TRDN: variants seen among roughly 807,000 people sequenced by gnomAD.
The protein encoded by TRDN is triadin.
A neutral mutation model predicts 149.7 loss-of-function variants in TRDN; 161 were observed. That is an observed-to-expected ratio of 1.08 (90% CI 0.95 to 1.23). TRDN has a LOEUF of 1.23. Among genes scored for constraint, TRDN ranks in the 50% most tolerant of loss-of-function variants. The pLI is 0.00. For synonymous variants in TRDN, 294 were observed against 250.5 expected (o/e 1.17, Z -1.64); for missense variants, 896 against 823.5 (o/e 1.09, Z -1.08).
At position 123,259,665 on chromosome 6, in the gene TRDN, A is replaced by AG; in HGVS notation, c.1832-4dup. On this transcript the variant is annotated splice_polypyrimidine_tract_variant and splice_region_variant and intron_variant, in intron 34 of 40. Transcript: ENST00000334268. ...AGATATTTCAGTTTTCTTCTTTCCT[A>AG]GGGGAAAGAAAAACAACAAGAAACC... 6.8e-7 allele frequency: 1 copy of AG among 1,460,986 alleles called. No individual in the cohort carries two copies. The allele number at this position is 1,460,986 out of a possible 1,614,324, so 90.5% of individuals were successfully genotyped here. A position where few individuals can be genotyped will look rare whatever the true frequency, so the allele number is the denominator to read the frequency against.
At chr6:123,319,370 A>T (rs1779157022) in intron 23 of TRDN, among the ~76,000 whole-genome samples, 1 of 151,978 alleles carries the variant, frequency 6.6e-6, no homozygotes, top group South Asian at 2.1e-4. Flanking sequence ...CATTTTGTAG[A>T]TGATATTTCT....
At chr6:123,482,512 C>T (rs1392007867) in intron 9 of TRDN, among the ~76,000 whole-genome samples, 1 of 152,202 alleles carries the variant, frequency 6.6e-6, no homozygotes, top group African/African-American at 2.4e-5. Context: ...GTACACACTG[C>T]TTATCCAGTG....
intron 2 of TRDN, among the ~76,000 whole-genome samples, chr6:123,559,762 G>T (rs959736542): frequency 6.6e-5 from 10 of 152,140 alleles, no homozygotes; most frequent in African/African-American, 2.4e-4. Flanking sequence ...GTTAGTTCAG[G>T]ATCTGCGCCT....
At chr6:123,291,045 T>C (rs1303773318) in intron 24 of TRDN, among the ~76,000 whole-genome samples, 1 of 151,840 alleles carries the variant, frequency 6.6e-6, no homozygotes, top group African/African-American at 2.4e-5. Context: ...TAATTCCAGC[T>C]ACTTGGGGGA....
Position 123,354,190 on chromosome 6 carries a change from TAGA to T in TRDN, c.1322-1607_1322-1605del, listed in dbSNP as rs140721901. Among the ~76,000 whole-genome samples the T allele has an allele frequency of 5.6e-3, 854 of 151,954 alleles. 24 individuals carry two copies. In the East Asian group the frequency reaches 0.059, roughly 11 times the overall value. On this transcript the variant is annotated intron_variant, in intron 20 of 40. Transcript: ENST00000334268. ...GGTTATTCTAAGGGATTATGTGTCCTAGAAGAAGAAGCAATGAATGTTTTAGAG... is the reference window on the plus strand; with the variant it reads ...GGTTATTCTAAGGGATTATGTGTCCTAGAAGAAGCAATGAATGTTTTAGAG...
intron 14 of TRDN, among the ~76,000 whole-genome samples, chr6:123,385,901 C>T (rs547913501): frequency 6.6e-6 from 1 of 152,102 alleles, no homozygotes; most frequent in South Asian, 2.1e-4. Context: ...TTATAACTTC[C>T]CAAACCTAAA....
intron 23 of TRDN, among the ~76,000 whole-genome samples, chr6:123,323,636 C>T (rs564918625): frequency 3.9e-4 from 59 of 152,276 alleles, no homozygotes; most frequent in African/African-American, 1.3e-3. Context: ...GAGTTTGATG[C>T]TTACAGAAAA....
At chr6:123,463,887 G>A (rs1029041546) in intron 10 of TRDN, among the ~76,000 whole-genome samples, 2 of 151,496 alleles carry the variant, frequency 1.3e-5, no homozygotes, top group African/African-American at 4.9e-5. Flanking sequence ...TCATCACTTA[G>A]GCTCAAGGGA....
At chr6:123,525,547 A>C (rs754680453) in intron 5 of TRDN, among the ~76,000 whole-genome samples, 228 of 151,986 alleles carry the variant, frequency 1.5e-3, no homozygotes, top group Non-Finnish European at 1.2e-3. Context: ...AAAAATGGGG[A>C]GATTGGAATG....
intron 10 of TRDN, among the ~76,000 whole-genome samples, chr6:123,458,643 G>A (rs747885109): frequency 2.6e-5 from 4 of 152,138 alleles, no homozygotes; most frequent in Non-Finnish European, 5.9e-5. Flanking sequence ...AGAGATAGAT[G>A]TCTCCTACTG....
intron 1 of TRDN, among the ~76,000 whole-genome samples, chr6:123,610,822 A>C (rs1784770485): frequency 6.6e-6 from 1 of 152,190 alleles, no homozygotes; most frequent in Non-Finnish European, 1.5e-5. Context: ...AACTGCATTA[A>C]GTTTATTTGA....
chr6:123,343,286 T>G (rs1780131221), intron 21 of TRDN, among the ~76,000 whole-genome samples: 1 of 152,000 alleles, frequency 6.6e-6, no homozygotes, highest in African/African-American at 2.4e-5. Context: ...GATTATCCAT[T>G]CATTTAAGAT....
intron 10 of TRDN, among the ~76,000 whole-genome samples, chr6:123,440,774 A>G (rs913678466): frequency 2.0e-5 from 3 of 152,210 alleles, no homozygotes; most frequent in Non-Finnish European, 4.4e-5. Context: ...AGATATTTGA[A>G]CCCAGAATAT....
chr6:123,503,959 A>G (rs1778808761), intron 7 of TRDN, 58 bp from the exon 8 acceptor site: 1 of 1,484,086 alleles, frequency 6.7e-7, no homozygotes, highest in Non-Finnish European at 8.9e-7. Context: ...ATAATGTTTC[A>G]TCTGTACTAT....
chr6:123,624,373 G>A lies in TRDN; in HGVS notation c.22+12381C>T, dbSNP rs374906885. 3.9e-5 allele frequency among the ~76,000 whole-genome samples: 6 copies of A among 152,252 alleles called. No homozygotes were observed. In the East Asian group the frequency reaches 7.7e-4, roughly 20 times the overall value. On this transcript the variant is annotated intron_variant, in intron 1 of 40. Transcript: ENST00000334268. Reference sequence around the variant, plus strand: ...AGGGACTGGGCAGAAACTGAGCAGTGAAATCTGGTCTACTTAATTCAAGAG... The same window carrying A: ...AGGGACTGGGCAGAAACTGAGCAGTAAAATCTGGTCTACTTAATTCAAGAG...
At chr6:123,601,394 G>A (rs954199169) in intron 1 of TRDN, among the ~76,000 whole-genome samples, 6 of 152,088 alleles carry the variant, frequency 3.9e-5, no homozygotes, top group African/African-American at 9.7e-5. Flanking sequence ...CCTGTGGTAT[G>A]CATACCCATA....
chr6:123,324,033 C>T (rs2114712863), intron 23 of TRDN, among the ~76,000 whole-genome samples: 1 of 152,234 alleles, frequency 6.6e-6, no homozygotes, highest in African/African-American at 2.4e-5. Context: ...AATATTTCAG[C>T]TAATGAGCCT....
At chr6:123,562,341 C>T (rs1782048066) in intron 2 of TRDN, among the ~76,000 whole-genome samples, 1 of 152,202 alleles carries the variant, frequency 6.6e-6, no homozygotes, top group Non-Finnish European at 1.5e-5. Flanking sequence ...TTCACATGGA[C>T]ATGAGTAAAA....
chr6:123,522,649 G>T (rs1387224012), intron 5 of TRDN, among the ~76,000 whole-genome samples: 2 of 148,938 alleles, frequency 1.3e-5, no homozygotes, highest in Admixed American at 6.8e-5. Context: ...GTATGAAATT[G>T]TTTGTTGCCA....
Sources: allele counts gnomAD v4.1 joint callset (sites outside exome capture counted in the v4.1 genomes callset), GRCh38; gene constraint gnomAD v4.1.1; transcripts MANE v1.5; gene names NCBI Gene and HGNC (gene_info 2026-07-23, HGNC 2026-07-21).